Variants in PTPRD observed in about 807,000 individuals in gnomAD.
PTPRD encodes receptor-type tyrosine-protein phosphatase delta.
Under a neutral mutation model 214.5 loss-of-function variants are expected in PTPRD, and 34 were observed. The ratio of observed to expected loss-of-function variants is 0.16; its 90% CI spans 0.12 to 0.21. The LOEUF (loss-of-function observed/expected upper bound fraction) is 0.21, where lower values mean the gene tolerates loss of function less well. PTPRD is among the 10% of genes least tolerant of loss of function. The pLI is 1.00. For missense variants in PTPRD, 2,545 were observed against 2,398.7 expected (o/e 1.06, Z -1.27); for synonymous variants, 1,128 against 845.7 (o/e 1.33, Z -5.79).
intron 2 of PTPRD, among the ~76,000 whole-genome samples, chr9:10,347,776 G>A (rs994802225): frequency 6.6e-6 from 1 of 151,974 alleles, no homozygotes; most frequent in African/African-American, 2.4e-5. Context: ...ATGTACAATA[G>A]GCTGTGAGCA....
chr9:9,347,988 G>C (rs1249202125), intron 9 of PTPRD, among the ~76,000 whole-genome samples: 4 of 152,112 alleles, frequency 2.6e-5, no homozygotes, highest in Non-Finnish European at 5.9e-5. Flanking sequence ...AAAAATCAGA[G>C]AGTATGTCAC....
At chr9:10,125,621 A>ATT (rs1460143867) in intron 3 of PTPRD, among the ~76,000 whole-genome samples, 3 of 82,094 alleles carry the variant, frequency 3.7e-5, no homozygotes, top group African/African-American at 4.0e-5. Flanking sequence ...CGCTCGGCTA[A>ATT]TTGTGTGTGT....
intron 9 of PTPRD, among the ~76,000 whole-genome samples, chr9:9,197,482 C>T (rs1238544797): frequency 7.3e-6 from 1 of 136,956 alleles, no homozygotes; most frequent in African/African-American, 3.4e-5. Context: ...GCAATCTTTG[C>T]TCACTGCAAT....
At chr9:8,957,863 A>C (rs2099139385) in intron 11 of PTPRD, among the ~76,000 whole-genome samples, 2 of 151,772 alleles carry the variant, frequency 1.3e-5, no homozygotes, top group Admixed American at 1.3e-4. Flanking sequence ...GGACATATGG[A>C]GGACAAAACA....
intron 11 of PTPRD, among the ~76,000 whole-genome samples, chr9:8,797,919 G>C (rs1174268676): frequency 1.3e-5 from 2 of 150,806 alleles, no homozygotes; most frequent in Non-Finnish European, 2.9e-5. Context: ...ACCGAAGCTG[G>C]AGTGCAGTGG....
chr9:9,251,903 C>G (rs904548711), intron 9 of PTPRD, among the ~76,000 whole-genome samples: 2 of 152,058 alleles, frequency 1.3e-5, no homozygotes, highest in African/African-American at 4.8e-5. Flanking sequence ...CCCTTGTTTT[C>G]CTTTCCCAAG....
At chr9:9,676,512 A>C (rs1185134650) in intron 7 of PTPRD, among the ~76,000 whole-genome samples, 3 of 151,868 alleles carry the variant, frequency 2.0e-5, no homozygotes, top group Admixed American at 2.0e-4. Context: ...ACATTTTCTT[A>C]ATCCAGTCTA....
intron 7 of PTPRD, among the ~76,000 whole-genome samples, chr9:9,650,945 G>A (rs1215776616): frequency 1.3e-5 from 2 of 151,890 alleles, no homozygotes; most frequent in Non-Finnish European, 2.9e-5. Context: ...CAATTCTAGA[G>A]TGTATAAAAC....
chr9:9,945,633 T>C (rs1171495999), intron 4 of PTPRD, among the ~76,000 whole-genome samples: 2 of 152,120 alleles, frequency 1.3e-5, no homozygotes, highest in African/African-American at 4.8e-5. Flanking sequence ...CATGACAAGA[T>C]GTGCTCTAGT....
At chr9:9,725,903 C>T (rs761636325) in intron 7 of PTPRD, among the ~76,000 whole-genome samples, 8 of 152,080 alleles carry the variant, frequency 5.3e-5, no homozygotes, top group Non-Finnish European at 8.8e-5. Flanking sequence ...CTCTGTCTTT[C>T]CCAGCAGTAC....
intron 8 of PTPRD, among the ~76,000 whole-genome samples, chr9:9,483,734 C>G (rs1195799840): frequency 6.6e-6 from 1 of 151,542 alleles, no homozygotes; most frequent in Non-Finnish European, 1.5e-5. Context: ...AACTCATTTC[C>G]TGGGCTCATG....
intron 32 of PTPRD, 39 bp downstream of exon 32, chr9:8,465,427 G>C: frequency 3.2e-6 from 5 of 1,565,990 alleles, no homozygotes; most frequent in Non-Finnish European, 4.4e-6. Flanking sequence ...AAATGTATAA[G>C]CGTACCATAG....
chr9:8,630,076 A>G (rs2096202009), intron 14 of PTPRD, among the ~76,000 whole-genome samples: 1 of 151,854 alleles, frequency 6.6e-6, no homozygotes, highest in South Asian at 2.1e-4. Flanking sequence ...AGCTTGTGTG[A>G]GATAAATCAA....
At position 10,104,462 on chromosome 9, in the gene PTPRD, C is replaced by A. The variant is rs1591297766; in HGVS notation, c.-544-70672G>T. On this transcript the variant is annotated intron_variant, in intron 3 of 45. Coordinates refer to ENST00000381196, the MANE Select transcript of PTPRD (RefSeq NM_002839.4). ...AATGCAGGTCTATAATAATAGAAAT[C>A]ATAAATTTTATCTGGTATATGACAA... is the stretch of plus-strand genomic sequence containing the variant. Among the ~76,000 whole-genome samples the A allele has an allele frequency of 2.0e-5, 3 of 151,506 alleles. No individual in the cohort carries two copies. In the East Asian group the frequency reaches 5.8e-4, roughly 29 times the overall value.
chr9:9,621,760 T>C, intron 7 of PTPRD, among the ~76,000 whole-genome samples: 1 of 152,230 alleles, frequency 6.6e-6, no homozygotes, highest in Non-Finnish European at 1.5e-5. Context: ...GGGTGATTTT[T>C]AGATGCAGCA....
At chr9:9,818,651 C>T (rs748281488) in intron 5 of PTPRD, among the ~76,000 whole-genome samples, 1 of 152,006 alleles carries the variant, frequency 6.6e-6, no homozygotes, top group Non-Finnish European at 1.5e-5. Flanking sequence ...GGCGTGGTGG[C>T]TCATGCCTGT....
intron 9 of PTPRD, among the ~76,000 whole-genome samples, chr9:9,359,555 T>C (rs1006708942): frequency 3.3e-5 from 5 of 151,218 alleles, no homozygotes; most frequent in African/African-American, 1.2e-4. Flanking sequence ...GATTCAATAA[T>C]TATTACCCCT....
chr9:9,590,422 C>T (rs1272569896), intron 7 of PTPRD, among the ~76,000 whole-genome samples: 2 of 152,004 alleles, frequency 1.3e-5, no homozygotes, highest in East Asian at 3.9e-4. Context: ...GTTAGAAACA[C>T]TGCTTACACT....
intron 26 of PTPRD, among the ~76,000 whole-genome samples, chr9:8,494,998 G>C (rs2097230089): frequency 6.6e-6 from 1 of 152,032 alleles, no homozygotes; most frequent in Admixed American, 6.6e-5. Context: ...GCATACCTGA[G>C]GTTCTGTCAC....
Sources: gnomAD v4.1 joint callset for allele counts (sites outside exome capture counted in the v4.1 genomes callset) on GRCh38, gnomAD v4.1.1 for gene constraint, MANE v1.5 for transcripts, NCBI Gene and HGNC (gene_info 2026-07-23, HGNC 2026-07-21) for gene names.